MSH3: variants seen among roughly 807,000 people sequenced by gnomAD.
MSH3 encodes DNA mismatch repair protein Msh3.
A neutral mutation model predicts 123.3 loss-of-function variants in MSH3; 106 were observed. The observed-to-expected ratio is 0.86, with a 90% CI of 0.73 to 1.01. The LOEUF (loss-of-function observed/expected upper bound fraction) is 1.01, where lower values mean the gene tolerates loss of function less well. Among genes scored for constraint, MSH3 ranks in the 50% least tolerant of loss-of-function variants. The pLI, the probability that MSH3 is intolerant of heterozygous loss-of-function variation, is 0.00. For missense variants in MSH3, 1,459 were observed against 1,347.6 expected, an observed-to-expected ratio of 1.08 and a Z score of -1.29; for synonymous variants, 515 against 481.4, an observed-to-expected ratio of 1.07 and a Z score of -0.91.
intron 22 of MSH3, among the ~76,000 whole-genome samples, chr5:80,866,753 T>G (rs1003595916): frequency 1.9e-4 from 29 of 152,252 alleles, no homozygotes; most frequent in African/African-American, 6.5e-4. Flanking sequence ...GTTTTCATTA[T>G]TATTGCCATG....
chr5:80,789,022 CAT>C (rs1744563650), intron 18 of MSH3, among the ~76,000 whole-genome samples: 1 of 151,976 alleles, frequency 6.6e-6, no homozygotes, highest in Non-Finnish European at 1.5e-5. Flanking sequence ...AGCGTTTTGT[CAT>C]TATATAATTT....
At position 80,782,293 on chromosome 5, in the gene MSH3, C is replaced by G. The variant is rs1311729864; in HGVS notation, c.2435+3457C>G. On this transcript the variant is annotated intron_variant, in intron 17 of 23. Coordinates refer to ENST00000265081, the MANE Select transcript of MSH3 (RefSeq NM_002439.5). The stretch of plus-strand genomic sequence containing the variant: ...CTGCATCCATGGATTTAACCAACTG[C>G]AGATTGAAAATATTCAAGGAATGAA... Among the ~76,000 whole-genome samples, 6 of 152,092 alleles carry G rather than the reference C, an allele frequency of 3.9e-5. No homozygotes were observed. The East Asian group carries it at 1.2e-3, about 29-fold the overall frequency.
At chr5:80,686,316 T>G (rs1750089019) in intron 8 of MSH3, among the ~76,000 whole-genome samples, 1 of 152,130 alleles carries the variant, frequency 6.6e-6, no homozygotes, top group African/African-American at 2.4e-5. Context: ...CTCTCTCTTT[T>G]TTTTGAGACA....
chr5:80,842,221 G>C (rs915585907), intron 20 of MSH3, among the ~76,000 whole-genome samples: 2 of 152,174 alleles, frequency 1.3e-5, no homozygotes, highest in Non-Finnish European at 2.9e-5. Context: ...TTGTAGATGT[G>C]TGATGTTATT....
At chr5:80,709,189 G>A (rs1750788609) in intron 8 of MSH3, among the ~76,000 whole-genome samples, 1 of 149,822 alleles carries the variant, frequency 6.7e-6, no homozygotes, top group African/African-American at 2.5e-5. Context: ...ACCCACATTA[G>A]CGATGAATAT....
chr5:80,865,035 TGA>T, intron 22 of MSH3, 93 bp downstream of exon 22: 1 of 1,223,744 alleles, frequency 8.2e-7, no homozygotes, highest in Non-Finnish European at 1.2e-6. Flanking sequence ...TTATTAATAA[TGA>T]AAGCTGTGAA....
intron 17 of MSH3, among the ~76,000 whole-genome samples, chr5:80,786,694 A>G (rs1360663760): frequency 6.6e-6 from 1 of 152,208 alleles, no homozygotes; most frequent in Non-Finnish European, 1.5e-5. Flanking sequence ...AATTATGTAC[A>G]CTTCACACAT....
rs368431034 is a variant in MSH3 at position 80,661,108 on chromosome 5, GTTTTTAA to G, written c.359-4028_359-4022del. On this transcript the variant is annotated intron_variant, in intron 2 of 23. Coordinates refer to ENST00000265081, the MANE Select transcript of MSH3 (RefSeq NM_002439.5). ...CACCGTGCCCAGCTGCCTTTGTCTGGTTTTTAATTTTTATTTCTTCATTTATTTTTAT... is the reference window on the plus strand; with the variant it reads ...CACCGTGCCCAGCTGCCTTTGTCTGGTTTTTATTTCTTCATTTATTTTTAT... Among the ~76,000 whole-genome samples the G allele has an allele frequency of 6.7e-3, 1,019 of 152,166 alleles. 9 individuals carry two copies. Among genetic ancestry groups the G allele is most frequent in the African/African-American group, 0.024 (984 of 41,524 alleles).
chr5:80,829,858 G>A (rs1425668609), intron 20 of MSH3, among the ~76,000 whole-genome samples: 1 of 152,094 alleles, frequency 6.6e-6, no homozygotes, highest in Non-Finnish European at 1.5e-5. Context: ...AGCCATTTGT[G>A]CCTGGTGTTT....
chr5:80,802,104 G>A lies in MSH3; in HGVS notation c.2655+9260G>A, dbSNP rs893456921. 5.3e-5 allele frequency among the ~76,000 whole-genome samples: 8 copies of A among 152,190 alleles called. No individual in the cohort carries two copies. In the South Asian group the frequency reaches 1.0e-3, roughly 20 times the overall value. On this transcript the variant is annotated intron_variant, in intron 19 of 23. Coordinates refer to ENST00000265081, the MANE Select transcript of MSH3 (RefSeq NM_002439.5). The stretch of plus-strand genomic sequence containing the variant: ...ATTAAGATTTGAAATATAAAGAAAG[G>A]GAGGAAATTGCTCCTTAATTCCAAA...
At chr5:80,870,913 CTGCAGCACAGTGCACATTT>C (rs58590505) in intron 22 of MSH3, among the ~76,000 whole-genome samples, 18,560 of 152,180 alleles carry the variant, frequency 0.12, 1,557 homozygotes, top group African/African-American at 0.24. Context: ...TTGGACATTT[CTGCAGCACAGTGCACATTT>C]TGCAGCACAA....
intron 20 of MSH3, among the ~76,000 whole-genome samples, chr5:80,837,051 G>T (rs1390037013): frequency 2.0e-5 from 3 of 152,186 alleles, no homozygotes; most frequent in African/African-American, 7.2e-5. Flanking sequence ...TGTAGGATCA[G>T]ACCACACAGA....
chr5:80,673,862 A>T (rs908309206), intron 6 of MSH3, among the ~76,000 whole-genome samples: 3 of 152,070 alleles, frequency 2.0e-5, no homozygotes, highest in African/African-American at 7.2e-5. Context: ...GGGTGCATTT[A>T]AAAAAAATTA....
At chr5:80,784,706 A>AGTG (rs1744473076) in intron 17 of MSH3, among the ~76,000 whole-genome samples, 1 of 152,114 alleles carries the variant, frequency 6.6e-6, no homozygotes, top group African/African-American at 2.4e-5. Flanking sequence ...CACATTTTAA[A>AGTG]GTGGTGACTG....
chr5:80,767,863 TAA>T (rs1208533655), intron 13 of MSH3, 68 bp from the exon 14 acceptor site: 4 of 1,224,572 alleles, frequency 3.3e-6, no homozygotes, highest in Non-Finnish European at 3.6e-6. Flanking sequence ...TTCTAACTTT[TAA>T]AAGTCACTAA....
chr5:80,749,756 C>A (rs1047370719), intron 12 of MSH3, among the ~76,000 whole-genome samples: 47 of 151,944 alleles, frequency 3.1e-4, no homozygotes, highest in Non-Finnish European at 3.8e-4. Context: ...GCTATTTTGA[C>A]ACACATACAA....
At chr5:80,674,862 G>T in intron 6 of MSH3, 121 bp from the exon 7 acceptor site, 1 of 869,110 alleles carries the variant, frequency 1.2e-6, no homozygotes, top group Non-Finnish European at 1.8e-6. Flanking sequence ...TTACAGGTGT[G>T]AGCCACTGCG....
chr5:80,858,056 CT>C (rs1417213499), intron 21 of MSH3, among the ~76,000 whole-genome samples: 1 of 150,064 alleles, frequency 6.7e-6, no homozygotes, highest in African/African-American at 2.5e-5. Context: ...TCCATTTTTT[CT>C]TTTTTGAGAC....
intron 22 of MSH3, among the ~76,000 whole-genome samples, chr5:80,871,978 A>G (rs1186139969): frequency 6.6e-6 from 1 of 152,038 alleles, no homozygotes; most frequent in Non-Finnish European, 1.5e-5. Context: ...AAGAAGGCAA[A>G]CAGTCGAGGG....
Sources: gnomAD v4.1 joint callset for allele counts (sites outside exome capture counted in the v4.1 genomes callset) on GRCh38, gnomAD v4.1.1 for gene constraint, MANE v1.5 for transcripts, NCBI Gene and HGNC (gene_info 2026-07-23, HGNC 2026-07-21) for gene names.